The following IFT88 variants were observed in gnomAD, a reference collection of about 807,000 sequenced individuals.
IFT88 encodes the protein intraflagellar transport protein 88 homolog.
In IFT88, 74 loss-of-function variants were observed where a neutral mutation model predicts 119.5. The ratio of observed to expected loss-of-function variants is 0.62; its 90% CI spans 0.51 to 0.75. IFT88 has a LOEUF of 0.75. IFT88 is among the 30% of genes least tolerant of loss of function. IFT88 has a pLI of 0.00. For synonymous variants in IFT88, 279 were observed against 316.7 expected, an observed-to-expected ratio of 0.88 and a Z score of 1.26; for missense variants, 961 against 977.7, an observed-to-expected ratio of 0.98 and a Z score of 0.23.
chr13:20,645,255 A>AAAGT (rs1418806640), intron 20 of IFT88, among the ~76,000 whole-genome samples: 1 of 151,996 alleles, frequency 6.6e-6, no homozygotes, highest in Non-Finnish European at 1.5e-5. Context: ...ATGCCTGGCT[A>AAAGT]ATTTTTTGTA....
intron 1 of IFT88, among the ~76,000 whole-genome samples, chr13:20,569,241 C>CGT (rs946277319): frequency 1.5e-5 from 2 of 133,178 alleles, no homozygotes; most frequent in African/African-American, 5.0e-5. Flanking sequence ...ACCAAAAGTA[C>CGT]GTGCAACCAA....
At chr13:20,633,261 A>T (rs1277109799) in intron 16 of IFT88, among the ~76,000 whole-genome samples, 1 of 152,184 alleles carries the variant, frequency 6.6e-6, no homozygotes, top group Non-Finnish European at 1.5e-5. Context: ...GGGAAACCTC[A>T]GGAAACTTAT....
chr13:20,645,918 A>T lies in IFT88; in HGVS notation c.1949+960A>T, dbSNP rs573451560. Among the ~76,000 whole-genome samples the T allele has an allele frequency of 5.3e-5, 8 of 152,358 alleles. No homozygotes were observed. The East Asian group carries it at 1.5e-3, about 29-fold the overall frequency. Reference sequence around the variant, plus strand: ...ATTTCTTTTGAGAATTATAAAATTAATTACCAAGGATGAGGAGATAGTTTT... The same window carrying T: ...ATTTCTTTTGAGAATTATAAAATTATTTACCAAGGATGAGGAGATAGTTTT... On this transcript the variant is annotated intron_variant, in intron 20 of 25. Coordinates refer to ENST00000351808, the MANE Select transcript of IFT88 (RefSeq NM_006531.5).
chr13:20,668,479 G>A (rs2055157484), intron 23 of IFT88, among the ~76,000 whole-genome samples: 1 of 152,018 alleles, frequency 6.6e-6, no homozygotes. Context: ...TGCCTTCTCT[G>A]TAACTTCCAC....
At chr13:20,604,744 A>G (rs887957104) in intron 12 of IFT88, among the ~76,000 whole-genome samples, 1 of 152,176 alleles carries the variant, frequency 6.6e-6, no homozygotes, top group African/African-American at 2.4e-5. Flanking sequence ...TGCTTGAGCC[A>G]AGGAATTGAA....
intron 1 of IFT88, among the ~76,000 whole-genome samples, chr13:20,574,056 G>A (rs2036901747): frequency 6.6e-6 from 1 of 152,192 alleles, no homozygotes; most frequent in South Asian, 2.1e-4. Context: ...GCCTGGCGTG[G>A]TGGCTCATGC....
rs551160953 is a variant in IFT88 at position 20,638,455 on chromosome 13, G to A, written c.1510G>A (p.Ala504Thr). 4.5e-5 allele frequency: 69 copies of A among 1,527,666 alleles called. No homozygotes were observed. In the South Asian group the frequency reaches 8.3e-4, roughly 18 times the overall value. The allele number at this position is 1,527,666 out of a possible 1,614,324, so 94.6% of individuals were successfully genotyped here. A position where few individuals can be genotyped will look rare whatever the true frequency, so the allele number is the denominator to read the frequency against. ...TGCAAATGGTGATTATGAGAAGGCC[G>A]CTGAATTCTATAAAGAGGCTCTAAG... Reference protein sequence around the residue: ...VFANGDYEKAAEFYKEALRND... With the variant: ...VFANGDYEKATEFYKEALRND... Residue 504 changes from alanine to threonine, a missense_variant, in exon 17 of 26, where the codon GCT (alanine) becomes ACT (threonine). Physicochemically the swap from Ala to Thr is moderately conservative, Grantham distance 58. Transcript: ENST00000351808.
Position 20,589,872 on chromosome 13 carries a change from G to GT in IFT88, c.210+10dup. On this transcript the variant is annotated splice_donor_region_variant and intron_variant, in intron 4 of 25. Coordinates refer to ENST00000351808, the MANE Select transcript of IFT88 (RefSeq NM_006531.5). The stretch of plus-strand genomic sequence containing the variant: ...CCTATAGCTACTGGATATGGGGTAG[G>GT]TTTTTGTAAGCTGAAAATATTAAGA... The GT allele has an allele frequency of 2.5e-6, 4 of 1,574,746 alleles. No homozygotes were observed. The highest frequency in any genetic ancestry group is 3.5e-6 in the Non-Finnish European group (4 of 1,147,918).
intron 17 of IFT88, 57 bp downstream of exon 17, chr13:20,638,575 T>G (rs1315357536): frequency 3.2e-6 from 4 of 1,250,114 alleles, no homozygotes; most frequent in Non-Finnish European, 3.1e-6. Context: ...TGTATTTGTT[T>G]TTGTTTTGTT....
At position 20,662,006 on chromosome 13, in the gene IFT88, G is replaced by A. The variant is rs76682256; in HGVS notation, c.2069-1492G>A. Among the ~76,000 whole-genome samples, 1,231 of 152,248 alleles carry A rather than the reference G, an allele frequency of 8.1e-3. 13 individuals carry two copies. The highest frequency in any genetic ancestry group is 0.01 in the Non-Finnish European group (696 of 68,024). ...GATTTTCAAATGCCCTACCTAAATC[G>A]TACAGCAGGAATTTAGGCAGAATGC... On this transcript the variant is annotated intron_variant, in intron 22 of 25. Coordinates refer to ENST00000351808, the MANE Select transcript of IFT88 (RefSeq NM_006531.5).
At chr13:20,597,776 T>C (rs2138986443) in intron 9 of IFT88, among the ~76,000 whole-genome samples, 1 of 150,258 alleles carries the variant, frequency 6.7e-6, no homozygotes, top group South Asian at 2.1e-4. Flanking sequence ...TATATTTTTT[T>C]TTTGATAACT....
intron 7 of IFT88, 49 bp downstream of exon 7, chr13:20,592,453 A>T (rs1420882111): frequency 7.0e-7 from 1 of 1,427,018 alleles, no homozygotes; most frequent in Non-Finnish European, 9.6e-7. Context: ...GCATATTTTA[A>T]ATTTTTATTT....
At chr13:20,572,295 T>C (rs2036520127) in intron 1 of IFT88, among the ~76,000 whole-genome samples, 1 of 152,246 alleles carries the variant, frequency 6.6e-6, no homozygotes, top group African/African-American at 2.4e-5. Context: ...CTCAGCTCAC[T>C]GCAACCTCTG....
chr13:20,628,013 A>T (rs1359215566), intron 15 of IFT88, among the ~76,000 whole-genome samples: 1 of 151,966 alleles, frequency 6.6e-6, no homozygotes, highest in African/African-American at 2.4e-5. Context: ...TTGTTTGTAT[A>T]TTGTAAGTAT....
At position 20,582,009 on chromosome 13, in the gene IFT88, AT is replaced by A. The variant is rs372113528; in HGVS notation, c.91-939del. 1.1e-3 allele frequency among the ~76,000 whole-genome samples: 172 copies of A among 151,420 alleles called. 1 individual carries two copies. The highest frequency in any genetic ancestry group is 3.0e-3 in the African/African-American group (122 of 41,318). ...TAAAAAGTTAATTGATAGTGACTTTATTTTTTTTTGTATTGTTTATTTTTAA... is the reference window on the plus strand; with the variant it reads ...TAAAAAGTTAATTGATAGTGACTTTATTTTTTTTGTATTGTTTATTTTTAA... On this transcript the variant is annotated intron_variant, in intron 2 of 25. Transcript: ENST00000351808.
At chr13:20,599,362 C>A in intron 10 of IFT88, 89 bp from the exon 11 acceptor site, 1 of 560,046 alleles carries the variant, frequency 1.8e-6, no homozygotes, top group Non-Finnish European at 3.1e-6. Flanking sequence ...CTGAGAAATG[C>A]TTCAGAGAAT....
chr13:20,567,610 C>A (rs1299687635), intron 1 of IFT88: 4 of 413,560 alleles, frequency 9.7e-6, no homozygotes, highest in Admixed American at 1.2e-4. Flanking sequence ...TAGATTACTG[C>A]GCCAGCTCTG....
intron 8 of IFT88, among the ~76,000 whole-genome samples, chr13:20,596,716 T>C (rs2041704061): frequency 6.6e-6 from 1 of 152,222 alleles, no homozygotes; most frequent in Non-Finnish European, 1.5e-5. Flanking sequence ...TCATGTTACT[T>C]TGATTGTCAT....
chr13:20,610,084 A>G (rs543503906), intron 13 of IFT88, among the ~76,000 whole-genome samples: 66 of 146,350 alleles, frequency 4.5e-4, no homozygotes, highest in African/African-American at 1.6e-3. Context: ...AGGAAGTAAC[A>G]CTGCTTATGC....
Sources: gnomAD v4.1 joint callset for allele counts (sites outside exome capture counted in the v4.1 genomes callset) on GRCh38, gnomAD v4.1.1 for gene constraint, MANE v1.5 for transcripts, NCBI Gene and HGNC (gene_info 2026-07-23, HGNC 2026-07-21) for gene names.